NRXN3: variants seen among roughly 807,000 people sequenced by gnomAD.
NRXN3 encodes neurexin 3.
In NRXN3, 32 loss-of-function variants were observed where a neutral mutation model predicts 137.6. The observed-to-expected ratio is 0.23, with a 90% confidence interval of 0.18 to 0.31. The LOEUF is 0.31. Among genes scored for constraint, NRXN3 ranks in the 10% least tolerant of loss-of-function variants. The probability of loss-of-function intolerance (pLI) is 1.00; values close to 1 mark genes in which losing one functional copy is unlikely to be tolerated. For missense variants in NRXN3, 1,574 were observed against 2,062.5 expected, an observed-to-expected ratio of 0.76 and a Z score of 4.59; for synonymous variants, 798 against 784.5, an observed-to-expected ratio of 1.02 and a Z score of -0.29.
At chr14:78,173,371 A>C (rs529947673) in intron 1 of NRXN3, among the ~76,000 whole-genome samples, 1 of 152,252 alleles carries the variant, frequency 6.6e-6, no homozygotes, top group East Asian at 1.9e-4. Context: ...CACTGCTGCA[A>C]AACTGAGATA....
At chr14:78,564,746 G>A (rs1338258258) in intron 4 of NRXN3, among the ~76,000 whole-genome samples, 2 of 152,074 alleles carry the variant, frequency 1.3e-5, no homozygotes, top group South Asian at 4.1e-4. Flanking sequence ...GGCCGCCATG[G>A]TAGGTTTTGC....
At chr14:78,181,481 T>C (rs2059801645) in intron 1 of NRXN3, among the ~76,000 whole-genome samples, 1 of 152,204 alleles carries the variant, frequency 6.6e-6, no homozygotes, top group Admixed American at 6.5e-5. Context: ...TCTCCTTTGC[T>C]CAGGCCTGGC....
chr14:79,479,910 T>C (rs981763496), intron 16 of NRXN3, among the ~76,000 whole-genome samples: 3 of 152,138 alleles, frequency 2.0e-5, no homozygotes, highest in African/African-American at 7.2e-5. Flanking sequence ...CTTCCAAATT[T>C]AGTGTATCAA....
chr14:78,709,621 G>T lies in NRXN3; in HGVS notation c.1626G>T (p.Trp542Cys). 6.2e-7 allele frequency: 1 copy of T among 1,613,494 alleles called. No homozygotes were observed. The highest frequency in any genetic ancestry group is 8.5e-7 in the Non-Finnish European group (1 of 1,179,946). Residue 542 changes from tryptophan (W) to cysteine (C), a missense_variant, in exon 7 of 21, where the codon TGG becomes TGT. Around this residue, in one of 5 missense-constraint regions of NRXN3, gnomAD observed 718 missense variants for 887.6 expected, o/e 0.81. Coordinates refer to ENST00000335750, the MANE Select transcript of NRXN3 (RefSeq NM_001330195.2). ...ATQKKANDGE[W>C]YHVDIQRDGR... is the part of the protein sequence containing the mutation. The stretch of plus-strand genomic sequence containing the variant: ...AGAAGAAAGCCAATGATGGGGAATG[G>T]TACCATGTGGACATTCAGCGAGATG...
intron 16 of NRXN3, among the ~76,000 whole-genome samples, chr14:79,633,638 A>G (rs577529300): frequency 5.9e-5 from 9 of 152,364 alleles, no homozygotes; most frequent in African/African-American, 1.9e-4. Flanking sequence ...CTTGGATTCA[A>G]GAACTTAAGA....
At chr14:78,354,728 C>G (rs2084020636) in intron 4 of NRXN3, among the ~76,000 whole-genome samples, 1 of 152,150 alleles carries the variant, frequency 6.6e-6, no homozygotes, top group Non-Finnish European at 1.5e-5. Context: ...GCTAAACATT[C>G]TCTCTTTATT....
At chr14:78,516,917 T>C (rs936065386) in intron 4 of NRXN3, among the ~76,000 whole-genome samples, 3 of 152,188 alleles carry the variant, frequency 2.0e-5, no homozygotes, top group African/African-American at 4.8e-5. Flanking sequence ...CTGGATTACA[T>C]TGAGTAAGCA....
intron 16 of NRXN3, among the ~76,000 whole-genome samples, chr14:79,558,809 G>C (rs73326037): frequency 0.015 from 2,270 of 152,212 alleles, 62 homozygotes; most frequent in African/African-American, 0.052. Flanking sequence ...TCCAGCAGAA[G>C]ACTGTTTTGT....
At chr14:79,328,009 T>A (rs942726686) in intron 15 of NRXN3, among the ~76,000 whole-genome samples, 1 of 152,190 alleles carries the variant, frequency 6.6e-6, no homozygotes, top group African/African-American at 2.4e-5. Flanking sequence ...AATACCTAGA[T>A]GATGGGTTGA....
Position 79,863,666 on chromosome 14 carries a change from G to A in NRXN3, c.*1702G>A, listed in dbSNP as rs1241800372. Reference sequence around the variant, plus strand: ...ATATTCTGGTTGTCTTTTTCTTTTTGTAAAGAGGAAACAATGTACAGAAAA... The same window carrying A: ...ATATTCTGGTTGTCTTTTTCTTTTTATAAAGAGGAAACAATGTACAGAAAA... On this transcript the variant is annotated 3_prime_UTR_variant, in exon 21 of 21. Transcript: ENST00000335750. 3 of 151,972 alleles carry A rather than the reference G, an allele frequency of 2.0e-5. No individual in the cohort carries two copies. Among genetic ancestry groups the A allele is most frequent in the Admixed American group, 6.6e-5 (1 of 15,234 alleles). 9.4% of individuals were successfully genotyped at this position (151,972 alleles called of 1,614,324 possible). A position where few individuals can be genotyped will look rare whatever the true frequency, so the allele number is the denominator to read the frequency against.
chr14:79,006,491 C>G (rs1469083286), intron 15 of NRXN3, among the ~76,000 whole-genome samples: 2 of 152,088 alleles, frequency 1.3e-5, no homozygotes, highest in Non-Finnish European at 2.9e-5. Context: ...AGTCAAAGAA[C>G]TGGTGAAATG....
chr14:78,612,452 T>C (rs1411943125), intron 4 of NRXN3, among the ~76,000 whole-genome samples: 5 of 152,198 alleles, frequency 3.3e-5, no homozygotes, highest in Non-Finnish European at 7.3e-5. Flanking sequence ...TATGAAAGAA[T>C]GATTTATATT....
intron 15 of NRXN3, among the ~76,000 whole-genome samples, chr14:79,038,650 G>T (rs946499405): frequency 1.3e-5 from 2 of 151,944 alleles, no homozygotes; most frequent in Admixed American, 1.3e-4. Context: ...TTCTTGTTGG[G>T]CATGAATGAC....
intron 10 of NRXN3, among the ~76,000 whole-genome samples, chr14:78,814,668 T>C (rs2098926140): frequency 2.0e-5 from 3 of 152,114 alleles, no homozygotes; most frequent in Admixed American, 2.0e-4. Context: ...TCTGGAGAAT[T>C]TCTGGAGGAA....
At chr14:79,628,290 A>G (rs1006042985) in intron 16 of NRXN3, among the ~76,000 whole-genome samples, 4 of 152,160 alleles carry the variant, frequency 2.6e-5, no homozygotes, top group Admixed American at 2.6e-4. Context: ...TTTGTCTTTC[A>G]AATTCTAACC....
chr14:78,654,238 TA>T (rs1265458787), intron 6 of NRXN3, among the ~76,000 whole-genome samples: 1 of 152,254 alleles, frequency 6.6e-6, no homozygotes, highest in Non-Finnish European at 1.5e-5. Flanking sequence ...AGCTACCTGA[TA>T]AACCCCACTC....
rs869266975 is a variant in NRXN3 at position 79,059,250 on chromosome 14, C to CTTTTTTTTTTTTTTTTTTTTTT, written c.3262+71113_3262+71134dup. Among the ~76,000 whole-genome samples the CTTTTTTTTTTTTTTTTTTTTTT allele has an allele frequency of 4.9e-3, 380 of 78,228 alleles. 18 individuals carry two copies. The highest frequency in any genetic ancestry group is 7.3e-3 in the Non-Finnish European group (298 of 40,644). The allele number at this position is 78,228 out of a possible 152,430, so 51.3% of individuals were successfully genotyped here. ...AAGAAGGCTGCCTTCAGGCCCTATT[C>CTTTTTTTTTTTTTTTTTTTTTT]TTTTTTTTTTTTTTTTTTTTTTTTT... is the stretch of plus-strand genomic sequence containing the variant. On this transcript the variant is annotated intron_variant, in intron 15 of 20. Transcript: ENST00000335750.
chr14:78,344,627 G>C (rs2082508077), intron 4 of NRXN3, among the ~76,000 whole-genome samples: 1 of 152,232 alleles, frequency 6.6e-6, no homozygotes, highest in African/African-American at 2.4e-5. Flanking sequence ...GACTTCTTGG[G>C]GGCACTTTGA....
At chr14:79,769,112 A>G (rs2099067358) in intron 19 of NRXN3, among the ~76,000 whole-genome samples, 1 of 151,626 alleles carries the variant, frequency 6.6e-6, no homozygotes, top group Non-Finnish European at 1.5e-5. Flanking sequence ...TCCAAGAAAT[A>G]TGGGACTATG....
Sources: allele counts gnomAD v4.1 joint callset (sites outside exome capture counted in the v4.1 genomes callset), GRCh38; gene constraint gnomAD v4.1.1; regional missense constraint gnomAD v4.1.1; transcripts MANE v1.5; gene names NCBI Gene and HGNC (gene_info 2026-07-23, HGNC 2026-07-21).